The following EYA2 variants were observed in gnomAD, a reference collection of about 807,000 sequenced individuals.
The protein encoded by EYA2 is EYA transcriptional coactivator and phosphatase 2.
In EYA2, 31 loss-of-function variants were observed where a neutral mutation model predicts 69.2. That is an observed-to-expected ratio of 0.45 (90% confidence interval 0.34 to 0.60). The LOEUF is 0.60. Among genes scored for constraint, EYA2 ranks in the 20% least tolerant of loss-of-function variants. The pLI, the probability that EYA2 is intolerant of heterozygous loss-of-function variation, is 0.02. For synonymous variants in EYA2, 257 were observed against 279.4 expected, an observed-to-expected ratio of 0.92 and a Z score of 0.80; for missense variants, 622 against 701.2, an observed-to-expected ratio of 0.89 and a Z score of 1.28.
rs775941711 is a variant in EYA2 at position 47,089,283 on chromosome 20, G to A, written c.706G>A (p.Gly236Arg). 1 of 1,614,190 alleles carries A rather than the reference G, an allele frequency of 6.2e-7. No homozygotes were observed. Among genetic ancestry groups the A allele is most frequent in the Non-Finnish European group, 8.5e-7 (1 of 1,180,028 alleles). The change falls in exon 8 of 16, where the codon GGA (glycine) becomes AGA (arginine). Residue 236 changes from glycine (G) to arginine (R), a missense_variant. Around this residue, in one of 2 missense-constraint regions of EYA2, gnomAD observed 365 missense variants for 349.7 expected, o/e 1.04. Coordinates refer to ENST00000327619, the MANE Select transcript of EYA2 (RefSeq NM_005244.5). ...TGGACCTTCCACACCAGCGAAAGAG[G>A]GAGACACAGACAGGCCGCACCGGGC... is the stretch of plus-strand genomic sequence containing the variant. The part of the protein sequence containing the change: ...HNGPSTPAKE[G>R]DTDRPHRASD...
At chr20:46,976,023 A>C (rs2146305806) in intron 1 of EYA2, among the ~76,000 whole-genome samples, 2 of 152,198 alleles carry the variant, frequency 1.3e-5, no homozygotes, top group African/African-American at 2.4e-5. Flanking sequence ...TGGCTGAAGG[A>C]TGGTGCTCTG....
intron 5 of EYA2, among the ~76,000 whole-genome samples, chr20:47,035,440 C>T (rs1368453195): frequency 1.3e-5 from 2 of 152,106 alleles, no homozygotes; most frequent in African/African-American, 2.4e-5. Context: ...TGAAGCAGAC[C>T]GTACCAAATT....
chr20:47,086,012 C>T (rs893178233), intron 7 of EYA2, among the ~76,000 whole-genome samples: 10 of 152,070 alleles, frequency 6.6e-5, no homozygotes, highest in Admixed American at 6.6e-4. Flanking sequence ...CTCAGTAATG[C>T]GTTAAATAAG....
chr20:47,055,131 G>C (rs1481778602), intron 5 of EYA2, among the ~76,000 whole-genome samples: 3 of 152,316 alleles, frequency 2.0e-5, no homozygotes, highest in Non-Finnish European at 4.4e-5. Flanking sequence ...AGTCATTGTG[G>C]TCAGGGGACT....
intron 1 of EYA2, among the ~76,000 whole-genome samples, chr20:46,967,971 G>A (rs2146295905): frequency 6.6e-6 from 1 of 152,320 alleles, no homozygotes; most frequent in Admixed American, 6.5e-5. Context: ...GGAGATGAAG[G>A]GTGGTTAGAC....
chr20:47,059,110 C>T (rs1374328781), intron 5 of EYA2, among the ~76,000 whole-genome samples: 2 of 152,072 alleles, frequency 1.3e-5, no homozygotes, highest in Non-Finnish European at 2.9e-5. Flanking sequence ...TGGGTGGGCT[C>T]ATAAGGAAAA....
chr20:47,026,413 T>C (rs915025815), intron 5 of EYA2, among the ~76,000 whole-genome samples: 1 of 152,014 alleles, frequency 6.6e-6, no homozygotes, highest in African/African-American at 2.4e-5. Flanking sequence ...AATGAAAAGA[T>C]TGACAGGTTC....
At chr20:46,906,465 A>G (rs1984363153) in intron 1 of EYA2, among the ~76,000 whole-genome samples, 1 of 152,250 alleles carries the variant, frequency 6.6e-6, no homozygotes, top group African/African-American at 2.4e-5. Context: ...GTCATCTCAG[A>G]GTACATCAGT....
chr20:47,115,569 CTG>C (rs1450322135), intron 9 of EYA2, among the ~76,000 whole-genome samples: 2 of 151,806 alleles, frequency 1.3e-5, no homozygotes, highest in East Asian at 3.8e-4. Flanking sequence ...ATCATCATTG[CTG>C]TGTCTGTCTC....
chr20:47,154,068 C>T (rs961135181), intron 10 of EYA2, among the ~76,000 whole-genome samples: 18 of 152,026 alleles, frequency 1.2e-4, no homozygotes, highest in African/African-American at 4.1e-4. Flanking sequence ...GTGGCTTACA[C>T]GACAGAAATT....
intron 4 of EYA2, among the ~76,000 whole-genome samples, chr20:47,010,628 C>A (rs1443292361): frequency 2.9e-4 from 43 of 146,698 alleles, no homozygotes; most frequent in South Asian, 4.3e-4. Flanking sequence ...AATCCTGTCT[C>A]AAAAAAAAAA....
intron 1 of EYA2, among the ~76,000 whole-genome samples, chr20:46,924,669 C>CAAAATAAA (rs1985332076): frequency 1.1e-5 from 1 of 88,364 alleles, no homozygotes; most frequent in African/African-American, 5.8e-5. Context: ...GACTCCATCT[C>CAAAATAAA]AAAAAAAAAA....
intron 10 of EYA2, among the ~76,000 whole-genome samples, chr20:47,153,285 T>C (rs1105402): frequency 0.6 from 90,495 of 151,774 alleles, 28,207 homozygotes; most frequent in African/African-American, 0.77. Flanking sequence ...ATCAAACCAG[T>C]GATGTCATAG....
chr20:47,135,838 AAAAC>A lies in EYA2; in HGVS notation c.889-7205_889-7202del, dbSNP rs1210382545. ...CTCTACAAAAAAAAAAAAAAAAAAA[AAAAC>A]AAACAAACAAACAAAAAACTAATTA... On this transcript the variant is annotated intron_variant, in intron 9 of 15. Transcript: ENST00000327619. Among the ~76,000 whole-genome samples the A allele has an allele frequency of 4.6e-4, 38 of 81,748 alleles. 1 individual carries two copies. The highest frequency in any genetic ancestry group is 1.8e-3 in the South Asian group (5 of 2,850). 53.6% of individuals were successfully genotyped at this position (81,748 alleles called of 152,430 possible).
At chr20:46,959,007 C>T (rs942154826) in intron 1 of EYA2, among the ~76,000 whole-genome samples, 2 of 152,144 alleles carry the variant, frequency 1.3e-5, no homozygotes, top group South Asian at 2.1e-4. Context: ...TGAACATACA[C>T]GTGTATGTGC....
At chr20:47,095,856 A>G (rs1456401814) in intron 8 of EYA2, 1 of 152,220 alleles carries the variant, frequency 6.6e-6, no homozygotes, top group East Asian at 1.9e-4. Context: ...CAAGGAAGAA[A>G]ACCAAGGAAG....
chr20:47,090,773 A>G (rs1172882189), intron 8 of EYA2, among the ~76,000 whole-genome samples: 1 of 152,166 alleles, frequency 6.6e-6, no homozygotes, highest in South Asian at 2.1e-4. Context: ...TATACTTGTC[A>G]TTTGTTATGC....
chr20:47,113,939 G>GCA lies in EYA2; in HGVS notation c.888+16771_888+16772insCA, dbSNP rs2032821801. 6.6e-5 allele frequency among the ~76,000 whole-genome samples: 10 copies of GCA among 151,906 alleles called. No individual in the cohort carries two copies. In the South Asian group the frequency reaches 1.7e-3, roughly 25 times the overall value. On this transcript the variant is annotated intron_variant, in intron 9 of 15. Transcript: ENST00000327619. ...GGGGTTTCTTATTTAAATGGAACTAGGTGTCATTCAAAGTAGCAGTGGCTG... is the reference window on the plus strand; with the variant it reads ...GGGGTTTCTTATTTAAATGGAACTAGCAGTGTCATTCAAAGTAGCAGTGGCTG...
At position 47,188,081 on chromosome 20, in the gene EYA2, G is replaced by A. The variant is rs1282476058; in HGVS notation, c.1565G>A (p.Cys522Tyr). The change falls in exon 16 of 16, where the codon TGC (cysteine) becomes TAC (tyrosine). Residue 522 changes from cysteine to tyrosine, a missense_variant. Cys to Tyr is a radical substitution (Grantham distance 194). Around this residue, in one of 2 missense-constraint regions of EYA2, gnomAD observed 257 missense variants for 351.5 expected, o/e 0.73. Transcript: ENST00000327619. ...KHNMPFWRIS[C>Y]HADLEALRHA... ...AACATGCCTTTCTGGCGGATATCCT[G>A]CCACGCAGACCTGGAGGCACTGAGG... 2 of 1,584,710 alleles carry A rather than the reference G, an allele frequency of 1.3e-6. No homozygotes were observed. Among genetic ancestry groups the A allele is most frequent in the Non-Finnish European group, 1.7e-6 (2 of 1,165,526 alleles).
Sources: gnomAD v4.1 joint callset for allele counts (sites outside exome capture counted in the v4.1 genomes callset) on GRCh38, gnomAD v4.1.1 for gene constraint, gnomAD v4.1.1 regional missense constraint, MANE v1.5 for transcripts, NCBI Gene and HGNC (gene_info 2026-07-23, HGNC 2026-07-21) for gene names.